The following CAMTA1 variants were observed in gnomAD, a reference collection of about 807,000 sequenced individuals.
The protein encoded by CAMTA1 is calmodulin-binding transcription activator 1.
A neutral mutation model predicts 170.9 loss-of-function variants in CAMTA1; 27 were observed. That is an observed-to-expected ratio of 0.16 (90% CI 0.12 to 0.22). The LOEUF (loss-of-function observed/expected upper bound fraction) is 0.22, where lower values mean the gene tolerates loss of function less well. Ranked by LOEUF, CAMTA1 falls within the 10% of genes least tolerant of loss-of-function variation. The pLI is 1.00. For synonymous variants in CAMTA1, 833 were observed against 891.5 expected, an observed-to-expected ratio of 0.93 and a Z score of 1.17; for missense variants, 1,619 against 2,217.2, an observed-to-expected ratio of 0.73 and a Z score of 5.42.
At chr1:7,477,472 C>A (rs1010257452) in intron 6 of CAMTA1, among the ~76,000 whole-genome samples, 12 of 152,192 alleles carry the variant, frequency 7.9e-5, no homozygotes. Context: ...ATTAAGATTT[C>A]AGGACCCTTG....
rs1387899185 is a variant in CAMTA1, at chr1:7,665,109, C to T, written c.2562C>T (p.Ala854=). Residue 854 remains alanine (A), a synonymous_variant, in exon 9 of 23, where the codon GCC becomes GCT. Transcript: ENST00000303635. This position sits in a 1 kb window ranked among gnomAD's most constrained non-coding sequence, Gnocchi z 4.3. ...TGCACGTCGCCGAGGTGGTCTCGGC[C>T]GCCTCGGCCCAGGGCACCCTAGGCA... ...AYMHVAEVVS[A]ASAQGTLGML... The T allele has an allele frequency of 1.0e-5, 16 of 1,528,700 alleles. No homozygotes were observed. Among genetic ancestry groups the T allele is most frequent in the Admixed American group, 2.1e-5 (1 of 47,720 alleles). 94.7% of individuals were successfully genotyped at this position (1,528,700 alleles called of 1,614,324 possible).
chr1:7,347,083 A>T (rs750420664), intron 5 of CAMTA1, among the ~76,000 whole-genome samples: 1 of 152,202 alleles, frequency 6.6e-6, no homozygotes, highest in Non-Finnish European at 1.5e-5. Context: ...GATGGTGAAG[A>T]GATTCTGAGC....
chr1:7,530,005 A>G (rs1557870262), intron 6 of CAMTA1, among the ~76,000 whole-genome samples: 1 of 152,196 alleles, frequency 6.6e-6, no homozygotes, highest in Non-Finnish European at 1.5e-5. Flanking sequence ...GCCACCGACC[A>G]GGAGCTGAGT....
At chr1:7,427,764 G>A (rs113800602) in intron 5 of CAMTA1, among the ~76,000 whole-genome samples, 8 of 152,300 alleles carry the variant, frequency 5.3e-5, no homozygotes, top group African/African-American at 1.4e-4. Flanking sequence ...GCCCAGGGAC[G>A]AGGCGCAATC....
At chr1:7,573,761 T>G (rs909616833) in intron 6 of CAMTA1, among the ~76,000 whole-genome samples, 6 of 152,116 alleles carry the variant, frequency 3.9e-5, no homozygotes, top group African/African-American at 1.4e-4. Flanking sequence ...CATCGTTTTT[T>G]GGGTTTTTTT....
intron 3 of CAMTA1, among the ~76,000 whole-genome samples, chr1:7,054,027 C>T (rs1387326501): frequency 6.6e-6 from 1 of 152,200 alleles, no homozygotes; most frequent in Non-Finnish European, 1.5e-5. Context: ...CTGGGGGGTC[C>T]CTGTGGGTAA....
intron 5 of CAMTA1, among the ~76,000 whole-genome samples, chr1:7,429,311 A>G (rs1350383282): frequency 6.6e-6 from 1 of 152,252 alleles, no homozygotes; most frequent in Non-Finnish European, 1.5e-5. Context: ...TTAAGTGTTC[A>G]ACACATGGAA....
intron 6 of CAMTA1, 103 bp from the exon 7 acceptor site, chr1:7,640,297 T>C: frequency 7.7e-7 from 1 of 1,290,678 alleles, no homozygotes; most frequent in South Asian, 1.3e-5. Flanking sequence ...GAGCCGGGTG[T>C]CTGGGGCCTC....
chr1:7,455,114 C>T lies in CAMTA1; in HGVS notation c.439-12716C>T, dbSNP rs1365472134. On this transcript the variant is annotated intron_variant, in intron 5 of 22. Transcript: ENST00000303635. The surrounding 1 kb of genome is among the most constrained non-coding windows in gnomAD (Gnocchi z 5.0). ...GCAGCGCATCTGCAGGTGTTTGAGG[C>T]ACATTTGTTTTCAGGGGAAGGGGCG... Among the ~76,000 whole-genome samples the T allele has an allele frequency of 6.6e-6, 1 of 152,138 alleles. No individual in the cohort carries two copies. Among genetic ancestry groups the T allele is most frequent in the African/African-American group, 2.4e-5 (1 of 41,414 alleles).
intron 6 of CAMTA1, among the ~76,000 whole-genome samples, chr1:7,499,985 G>A (rs964142384): frequency 6.8e-6 from 1 of 146,134 alleles, no homozygotes; most frequent in African/African-American, 2.6e-5. Flanking sequence ...GCGTGCATAG[G>A]TATATGAGTG....
rs112953741 is a variant in CAMTA1 at position 7,290,683 on chromosome 1, G to A, written c.438+41057G>A. Among the ~76,000 whole-genome samples the A allele has an allele frequency of 4.5e-3, 682 of 152,068 alleles. 8 individuals are homozygous for A. Among genetic ancestry groups the A allele is most frequent in the Admixed American group, 0.024 (366 of 15,280 alleles). On this transcript the variant is annotated intron_variant, in intron 5 of 22. Transcript: ENST00000303635. ...TATCTTTAGCTTTACTTGCTGCGAC[G>A]TAAATTATTCTCATTTTATTATTAT...
chr1:7,678,119 G>T (rs891370003), intron 11 of CAMTA1, among the ~76,000 whole-genome samples: 3 of 152,174 alleles, frequency 2.0e-5, no homozygotes, highest in African/African-American at 7.2e-5. Context: ...GCCTGTTTCC[G>T]CGGGCTCCTG....
chr1:6,896,352 G>A (rs1675665201), intron 3 of CAMTA1, among the ~76,000 whole-genome samples: 1 of 152,136 alleles, frequency 6.6e-6, no homozygotes, highest in Non-Finnish European at 1.5e-5. Context: ...TCCTTCCTGG[G>A]GCAGTGGGAT....
chr1:7,050,985 C>T lies in CAMTA1; in HGVS notation c.235-40319C>T, dbSNP rs1277122382. 2.0e-5 allele frequency among the ~76,000 whole-genome samples: 3 copies of T among 152,242 alleles called. No homozygotes were observed. The highest frequency in any genetic ancestry group is 2.4e-5 in the African/African-American group (1 of 41,528). On this transcript the variant is annotated intron_variant, in intron 3 of 22. Transcript: ENST00000303635. This position sits in a 1 kb window ranked among gnomAD's most constrained non-coding sequence, Gnocchi z 4.8. ...GGAGAATGACTGTGCTGCCTCTTTC[C>T]GGGGTGTAATTTGAGTTTGCATGTG...
intron 4 of CAMTA1, among the ~76,000 whole-genome samples, chr1:7,127,609 G>A (rs1645010968): frequency 6.6e-6 from 1 of 152,156 alleles, no homozygotes; most frequent in African/African-American, 2.4e-5. Context: ...TTCACCCAGT[G>A]CAGATTTATT....
intron 3 of CAMTA1, among the ~76,000 whole-genome samples, chr1:7,076,752 G>C (rs1639354095): frequency 6.6e-6 from 1 of 152,160 alleles, no homozygotes. Context: ...ATAGCAGCGG[G>C]TCTTCTGAGT....
intron 3 of CAMTA1, among the ~76,000 whole-genome samples, chr1:6,851,463 G>A (rs975963570): frequency 2.6e-5 from 4 of 152,210 alleles, no homozygotes; most frequent in African/African-American, 9.7e-5. Flanking sequence ...AAAGGAAGGA[G>A]GAGTGCTGCA....
intron 3 of CAMTA1, among the ~76,000 whole-genome samples, chr1:7,036,925 C>T (rs1187765225): frequency 6.6e-6 from 1 of 152,186 alleles, no homozygotes; most frequent in African/African-American, 2.4e-5. Flanking sequence ...GGGTTAATTG[C>T]GTGGAGGCTG....
intron 22 of CAMTA1, among the ~76,000 whole-genome samples, chr1:7,756,498 A>T (rs535953155): frequency 6.6e-6 from 1 of 152,344 alleles, no homozygotes; most frequent in South Asian, 2.1e-4. Flanking sequence ...TCCCAGAAGC[A>T]ACTATAATGT....
Sources: gnomAD v4.1 joint callset for allele counts (sites outside exome capture counted in the v4.1 genomes callset) on GRCh38, gnomAD v4.1.1 for gene constraint, Gnocchi (gnomAD v3.1) non-coding constraint, MANE v1.5 for transcripts, NCBI Gene and HGNC (gene_info 2026-07-23, HGNC 2026-07-21) for gene names.